The following GALNT8 variants were observed in gnomAD, a reference collection of about 807,000 sequenced individuals.
The protein encoded by GALNT8 is probable polypeptide N-acetylgalactosaminyltransferase 8.
GALNT8 carries 66 observed loss-of-function variants against 62.7 expected under a neutral mutation model. The observed-to-expected ratio is 1.05, with a 90% CI of 0.86 to 1.29. The LOEUF (loss-of-function observed/expected upper bound fraction) is 1.29. Ranked by LOEUF, GALNT8 falls within the 50% of genes most tolerant of loss-of-function variation. The pLI is 0.00. For synonymous variants in GALNT8, 288 were observed against 294.3 expected (o/e 0.98, Z 0.22); for missense variants, 771 against 791.8 (o/e 0.97, Z 0.32).
chr12:4,745,992 A>G, intron 5 of GALNT8, 152 bp from the exon 6 acceptor site: 3 of 616,300 alleles, frequency 4.9e-6, no homozygotes, highest in South Asian at 2.0e-5. Flanking sequence ...GGAAAGCTAC[A>G]TGCACTTAGT....
chr12:4,739,090 G>A, intron 2 of GALNT8, 73 bp from the exon 3 acceptor site: 1 of 928,716 alleles, frequency 1.1e-6, no homozygotes, highest in Non-Finnish European at 1.6e-6. Flanking sequence ...CATACAGAGT[G>A]AAAGGAAAGA....
chr12:4,724,829 C>T (rs1186264225), intron 1 of GALNT8, among the ~76,000 whole-genome samples: 1 of 152,168 alleles, frequency 6.6e-6, no homozygotes, highest in African/African-American at 2.4e-5. Flanking sequence ...ACATGTTCTC[C>T]TCCCAGTCAC....
chr12:4,759,576 G>A (rs1453778519), intron 6 of GALNT8, among the ~76,000 whole-genome samples: 1 of 151,406 alleles, frequency 6.6e-6, no homozygotes, highest in Non-Finnish European at 1.5e-5. Flanking sequence ...CATTGTTCTG[G>A]CAAATAGGGT....
chr12:4,770,923 A>G (rs369870316), intron 10 of GALNT8, among the ~76,000 whole-genome samples: 10 of 152,212 alleles, frequency 6.6e-5, no homozygotes, highest in African/African-American at 2.4e-4. Flanking sequence ...GAAATAAAAG[A>G]TGGATGTTAG....
At chr12:4,759,804 A>T (rs1946363445) in intron 6 of GALNT8, among the ~76,000 whole-genome samples, 1 of 152,150 alleles carries the variant, frequency 6.6e-6, no homozygotes, top group African/African-American at 2.4e-5. Context: ...CAGAAACTGC[A>T]TCTCACTTAG....
intron 6 of GALNT8, 40 bp from the exon 7 acceptor site, chr12:4,760,918 G>T: frequency 6.4e-7 from 1 of 1,559,824 alleles, no homozygotes; most frequent in Non-Finnish European, 8.8e-7. Context: ...GCAATTCATT[G>T]GCTGTGAAGC....
In GALNT8 at chr12:4,720,834, T is replaced by A. The variant is rs10849133; in HGVS notation, c.157T>A (p.Tyr53Asn). The A allele has an allele frequency of 9.3e-6, 15 of 1,610,150 alleles. 1 individual carries two copies. Among genetic ancestry groups the A allele is most frequent in the African/African-American group, 8.0e-5 (6 of 74,726 alleles). ...RELPLHLNKR[Y>N]GAVIKRLSHL... ...GCTTCCTTTACATCTGAATAAACGC[T>A]ACGGGGCAGTGATAAAGAGACTCTC... Residue 53 changes from tyrosine to asparagine, a missense_variant, in exon 1 of 11, where the codon TAC becomes AAC. Physicochemically the swap from Tyr to Asn is moderately radical, Grantham distance 143. Transcript: ENST00000252318.
At chr12:4,771,426 G>T (rs953914156) in intron 10 of GALNT8, among the ~76,000 whole-genome samples, 5 of 152,136 alleles carry the variant, frequency 3.3e-5, no homozygotes, top group African/African-American at 9.7e-5. Context: ...GCAAATTTTG[G>T]GGGGAGCAAG....
intron 1 of GALNT8, among the ~76,000 whole-genome samples, chr12:4,721,095 C>T (rs1219786896): frequency 6.6e-6 from 1 of 151,910 alleles, no homozygotes; most frequent in Non-Finnish European, 1.5e-5. Flanking sequence ...TTAGAGCAAG[C>T]AGTATGGGGG....
At chr12:4,772,057 A>G (rs980091122) in intron 10 of GALNT8, among the ~76,000 whole-genome samples, 7 of 152,240 alleles carry the variant, frequency 4.6e-5, no homozygotes, top group South Asian at 2.1e-4. Context: ...AGAGAAGCAC[A>G]AGGTGAAGGT....
At chr12:4,770,665 G>T (rs1164672092) in intron 10 of GALNT8, among the ~76,000 whole-genome samples, 1 of 152,152 alleles carries the variant, frequency 6.6e-6, no homozygotes, top group East Asian at 1.9e-4. Context: ...TGAAGTAACT[G>T]GGGCACTGAG....
intron 2 of GALNT8, among the ~76,000 whole-genome samples, chr12:4,730,578 T>G (rs944349069): frequency 6.6e-6 from 1 of 152,208 alleles, no homozygotes; most frequent in Non-Finnish European, 1.5e-5. Context: ...TATGTCTGTT[T>G]TTATGGCAGT....
intron 6 of GALNT8, among the ~76,000 whole-genome samples, chr12:4,760,025 A>C (rs2137541024): frequency 6.6e-6 from 1 of 152,324 alleles, no homozygotes; most frequent in East Asian, 1.9e-4. Flanking sequence ...TTAGTTATCT[A>C]TTGCTGTATA....
At chr12:4,754,761 G>C (rs1002110795) in intron 6 of GALNT8, among the ~76,000 whole-genome samples, 53 of 152,178 alleles carry the variant, frequency 3.5e-4, no homozygotes, top group African/African-American at 9.4e-4. Context: ...TGTAGTATTG[G>C]GTATTGCTGC....
rs141646617 is a variant in GALNT8, at chr12:4,756,858, TG to T, written c.1174-4098del. 5.1e-3 allele frequency among the ~76,000 whole-genome samples: 770 copies of T among 152,266 alleles called. 5 individuals carry two copies. The highest frequency in any genetic ancestry group is 0.018 in the African/African-American group (736 of 41,542). On this transcript the variant is annotated intron_variant, in intron 6 of 10. Transcript: ENST00000252318. ...GAGAAAACTAACCTTTTTTGGATGG[TG>T]GTTGATGTGGTTAGGCTTTGTGTCC...
intron 6 of GALNT8, among the ~76,000 whole-genome samples, chr12:4,753,069 T>C (rs954979329): frequency 1.4e-4 from 22 of 152,228 alleles, no homozygotes; most frequent in African/African-American, 5.3e-4. Flanking sequence ...TTGTACGTTG[T>C]CCTCTTGCTG....
In GALNT8 at chr12:4,745,494, A is replaced by G. The variant is rs768884325; in HGVS notation, c.926A>G (p.Asn309Ser). The stretch of plus-strand genomic sequence containing the variant: ...GTGATTGTGTCTCCTGTGTTTGACA[A>G]CATTCGTTTTGACACCTTCAAACTG... ...RTVIVSPVFD[N>S]IRFDTFKLDK... is the part of the protein sequence containing the mutation. Residue 309 changes from asparagine (N) to serine (S), a missense_variant, in exon 5 of 11, where the codon AAC becomes AGC. By Grantham distance (46) the Asn-to-Ser change is conservative (BLOSUM62 1). Coordinates refer to ENST00000252318, the MANE Select transcript of GALNT8 (RefSeq NM_017417.2). The G allele has an allele frequency of 3.7e-6, 6 of 1,613,062 alleles. No homozygotes were observed. The highest frequency in any genetic ancestry group is 3.3e-5 in the South Asian group (3 of 91,050).
At chr12:4,764,530 ATTTTTTT>A (rs58809573) in intron 9 of GALNT8, among the ~76,000 whole-genome samples, 39 of 102,218 alleles carry the variant, frequency 3.8e-4, no homozygotes, top group African/African-American at 6.4e-4. Context: ...CAGTCAGGGG[ATTTTTTT>A]TTTTTTTTTT....
intron 6 of GALNT8, among the ~76,000 whole-genome samples, chr12:4,748,173 C>G (rs1946308332): frequency 6.6e-6 from 1 of 152,142 alleles, no homozygotes; most frequent in Admixed American, 6.5e-5. Flanking sequence ...TGTGGGCTGT[C>G]TCTTCACCTT....
Sources: gnomAD v4.1 joint callset for allele counts (sites outside exome capture counted in the v4.1 genomes callset) on GRCh38, gnomAD v4.1.1 for gene constraint, MANE v1.5 for transcripts, NCBI Gene and HGNC (gene_info 2026-07-23, HGNC 2026-07-21) for gene names.